Variants in LRRC71 observed in about 807,000 individuals in gnomAD.
LRRC71 encodes the protein leucine-rich repeat-containing protein 71.
LRRC71 carries 54 observed loss-of-function variants against 66.6 expected under a neutral mutation model. The ratio of observed to expected loss-of-function variants is 0.81; its 90% CI spans 0.65 to 1.02. LRRC71 has a LOEUF of 1.02. Among genes scored for constraint, LRRC71 ranks in the 50% least tolerant of loss-of-function variants. The pLI is 0.00. For synonymous variants in LRRC71, 323 were observed against 303.9 expected, an observed-to-expected ratio of 1.06 and a Z score of -0.65; for missense variants, 724 against 718.0, an observed-to-expected ratio of 1.01 and a Z score of -0.10.
chr1:156,920,974 G>A lies in LRRC71; in HGVS notation c.160+11G>A, dbSNP rs1571015682. ...AGCCCAAAAGCCCTGGTACGCTGGC[G>A]CCGGGGTTTGGGGATCGGGCTTCCA... On this transcript the variant is annotated intron_variant, in intron 1 of 14. Coordinates refer to ENST00000337428, the MANE Select transcript of LRRC71 (RefSeq NM_144702.3). This position sits in a 1 kb window ranked among gnomAD's most constrained non-coding sequence, Gnocchi z 4.9. The A allele has an allele frequency of 1.3e-6, 2 of 1,492,600 alleles. No homozygotes were observed. Among genetic ancestry groups the A allele is most frequent in the East Asian group, 2.6e-5 (1 of 38,096 alleles). 92.5% of individuals were successfully genotyped at this position (1,492,600 alleles called of 1,614,324 possible).
At chr1:156,932,805 C>T in intron 14 of LRRC71, 48 bp from the exon 15 acceptor site, 2 of 1,438,780 alleles carry the variant, frequency 1.4e-6, no homozygotes, top group South Asian at 2.4e-5. Context: ...TGCCAGAGGA[C>T]TAATCTTCAT....
Position 156,924,435 on chromosome 1 carries a change from C to T in LRRC71, c.322C>T (p.Leu108=). 1 of 1,550,664 alleles carries T rather than the reference C, an allele frequency of 6.4e-7. No homozygotes were observed. The highest frequency in any genetic ancestry group is 8.7e-7 in the Non-Finnish European group (1 of 1,146,950). The change falls in exon 3 of 15, where the codon CTG becomes TTG. Residue 108 remains leucine (L), a synonymous_variant. Coordinates refer to ENST00000337428, the MANE Select transcript of LRRC71 (RefSeq NM_144702.3). ...CCTCTGCCTTCCAGACGATCCGCGG[C>T]TGTCGGGGTCCTGCAGCCTCAATAG... The part of the protein sequence containing the change: ...SEKATLDDPR[L]SGSCSLNSLE...
chr1:156,937,175 CAT>C, downstream of LRRC71: 3 of 1,600,508 alleles, frequency 1.9e-6, no homozygotes, highest in Non-Finnish European at 2.6e-6. Flanking sequence ...CGAAGACACA[CAT>C]CTCACTCATG....
chr1:156,936,179 A>C (rs750276058), downstream of LRRC71: 20 of 1,058,312 alleles, frequency 1.9e-5, no homozygotes, highest in Non-Finnish European at 2.8e-5. Context: ...CTCCTCCAGA[A>C]ACCCCAGTTT....
At chr1:156,940,147 G>T in the LRRC71 span, 5 of 1,511,350 alleles carry the variant, frequency 3.3e-6, no homozygotes, top group Non-Finnish European at 4.4e-6. Flanking sequence ...GCGCCTGCCA[G>T]TTCACACTGG....
intron 6 of LRRC71, 69 bp downstream of exon 6, chr1:156,927,339 G>T (rs1022887789): frequency 1.8e-5 from 28 of 1,564,788 alleles, no homozygotes; most frequent in Non-Finnish European, 2.5e-5. Context: ...TTTAGTCCCC[G>T]CCCTTCCTTG....
chr1:156,928,034 C>A, intron 9 of LRRC71, 30 bp downstream of exon 9: 1 of 1,561,804 alleles, frequency 6.4e-7, no homozygotes, highest in Non-Finnish European at 8.7e-7. Context: ...CAGGACCAGC[C>A]GAGAGCCCCT....
chr1:156,920,885 A>C lies in LRRC71; in HGVS notation c.82A>C (p.Lys28Gln), dbSNP rs1558162119. Reference protein sequence around the residue: ...GTQKSSGAVTKKGERAAKEKP... With the variant: ...GTQKSSGAVTQKGERAAKEKP... ...CCAGAAGTCTTCTGGCGCGGTGACC[A>C]AAAAGGGAGAGCGCGCGGCCAAAGA... is the stretch of plus-strand genomic sequence containing the variant. Residue 28 changes from lysine to glutamine, a missense_variant, in exon 1 of 15, where the codon AAA (lysine) becomes CAA (glutamine). Physicochemically the swap from Lys to Gln is moderately conservative, Grantham distance 53. Transcript: ENST00000337428. The surrounding 1 kb of genome is among the most constrained non-coding windows in gnomAD (Gnocchi z 4.9). 4 of 1,538,610 alleles carry C rather than the reference A, an allele frequency of 2.6e-6. No homozygotes were observed. The highest frequency in any genetic ancestry group is 3.5e-6 in the Non-Finnish European group (4 of 1,141,886).
chr1:156,933,621 C>A (rs1399525503), downstream of LRRC71, among the ~76,000 whole-genome samples: 2 of 152,230 alleles, frequency 1.3e-5, no homozygotes, highest in Non-Finnish European at 2.9e-5. Flanking sequence ...ACCCTAATAA[C>A]CTGCCTGCAG....
chr1:156,932,038 C>A lies in LRRC71; in HGVS notation c.1441+11C>A. ...ACCTCAACCTCATCCGTATGTCTGC[C>A]AACCTCCCCTGTCCTCCTGTCATGA... On this transcript the variant is annotated intron_variant, in intron 13 of 14. Coordinates refer to ENST00000337428, the MANE Select transcript of LRRC71 (RefSeq NM_144702.3). 1.3e-6 allele frequency: 2 copies of A among 1,572,454 alleles called. No homozygotes were observed. The highest frequency in any genetic ancestry group is 1.7e-6 in the Non-Finnish European group (2 of 1,156,296).
chr1:156,935,329 G>A (rs1351295473), downstream of LRRC71: 1 of 152,146 alleles, frequency 6.6e-6, no homozygotes, highest in Non-Finnish European at 1.5e-5. Flanking sequence ...GGAGCCAGAA[G>A]ACCTTCCCAC....
the LRRC71 span, chr1:156,939,832 T>G: frequency 1.2e-6 from 2 of 1,613,228 alleles, no homozygotes; most frequent in East Asian, 4.5e-5. Context: ...CAGGTCGTCC[T>G]CGGGCTCCTG....
At chr1:156,922,186 G>A (rs1332342644) in intron 1 of LRRC71, among the ~76,000 whole-genome samples, 4 of 152,150 alleles carry the variant, frequency 2.6e-5, no homozygotes, top group Non-Finnish European at 5.9e-5. Flanking sequence ...AGCTGCTGAT[G>A]TTCTGGCATA....
At chr1:156,926,615 C>T (rs561089800) in intron 5 of LRRC71, among the ~76,000 whole-genome samples, 1 of 145,456 alleles carries the variant, frequency 6.9e-6, no homozygotes, top group South Asian at 2.2e-4. Flanking sequence ...TGCTATGTCG[C>T]CCAGACTAGA....
intron 11 of LRRC71, 149 bp downstream of exon 11, chr1:156,929,878 GGAT>G: frequency 1.5e-6 from 1 of 663,428 alleles, no homozygotes; most frequent in East Asian, 2.8e-5. Context: ...TCTCACAGTG[GGAT>G]GATGTGGAGA....
At chr1:156,924,762 TG>T in intron 4 of LRRC71, 44 bp downstream of exon 4, 1 of 1,542,942 alleles carries the variant, frequency 6.5e-7, no homozygotes, top group Non-Finnish European at 8.8e-7. Context: ...GAGTGGGAGT[TG>T]GGGCTCCTGG....
At chr1:156,928,289 A>G (rs897137595) in intron 9 of LRRC71, among the ~76,000 whole-genome samples, 10 of 152,004 alleles carry the variant, frequency 6.6e-5, no homozygotes, top group African/African-American at 2.2e-4. Flanking sequence ...CCCAGCTTGT[A>G]ACCTTGGGCA....
chr1:156,935,688 C>T (rs139066053), downstream of LRRC71: 2,336 of 312,636 alleles, frequency 7.5e-3, 14 homozygotes, highest in Middle Eastern at 0.015. Context: ...TACAGGCGTG[C>T]GCGTGTACAC....
In LRRC71 at chr1:156,932,529, T is replaced by C; in HGVS notation, c.1547T>C (p.Leu516Pro). ...GCATCCAAGGGTCCAGTGGGGCTGC[T>C]GTGGCTGTCCCTGGCTGTGAGTCCC... is the stretch of plus-strand genomic sequence containing the variant. Reference protein sequence around the residue: ...KSASKGPVGLLWLSLAKNCFA... With the variant: ...KSASKGPVGLPWLSLAKNCFA... The change falls in exon 14 of 15, where the codon CTG (leucine) becomes CCG (proline). Residue 516 changes from leucine (L) to proline (P), a missense_variant. Coordinates refer to ENST00000337428, the MANE Select transcript of LRRC71 (RefSeq NM_144702.3). 1 of 1,614,004 alleles carries C rather than the reference T, an allele frequency of 6.2e-7. No homozygotes were observed. The highest frequency in any genetic ancestry group is 8.5e-7 in the Non-Finnish European group (1 of 1,179,868).
Sources: allele counts gnomAD v4.1 joint callset (sites outside exome capture counted in the v4.1 genomes callset), GRCh38; gene constraint gnomAD v4.1.1; non-coding constraint Gnocchi (gnomAD v3.1); transcripts MANE v1.5; gene names NCBI Gene and HGNC (gene_info 2026-07-23, HGNC 2026-07-21).